ANGPT2: variants seen among roughly 807,000 people sequenced by gnomAD.
ANGPT2 encodes angiopoietin-2.
ANGPT2 carries 28 observed loss-of-function variants against 62.9 expected under a neutral mutation model. That is an observed-to-expected ratio of 0.44 (90% CI 0.33 to 0.61). The LOEUF is 0.61. ANGPT2 is among the 20% of genes least tolerant of loss of function. The pLI is 0.03. For synonymous variants in ANGPT2, 284 were observed against 207.8 expected, an observed-to-expected ratio of 1.37 and a Z score of -3.15; for missense variants, 727 against 594.9, an observed-to-expected ratio of 1.22 and a Z score of -2.31.
At chr8:6,523,243 C>T (rs1376827600) in intron 3 of ANGPT2, among the ~76,000 whole-genome samples, 7 of 152,224 alleles carry the variant, frequency 4.6e-5, no homozygotes, top group South Asian at 4.1e-4. Flanking sequence ...GTGATCCGCC[C>T]GCCCCTGCCT....
rs77786834 is a variant in ANGPT2 at position 6,516,957 on chromosome 8, G to A, written c.928-2179C>T. 8.1e-3 allele frequency among the ~76,000 whole-genome samples: 1,238 copies of A among 152,306 alleles called. 8 individuals carry two copies. The highest frequency in any genetic ancestry group is 0.015 in the Non-Finnish European group (1,006 of 68,020). On this transcript the variant is annotated intron_variant, in intron 5 of 8. Transcript: ENST00000629816. ...GAGTATTCGCTTTGATTCCATTAGT[G>A]ATGATGATAAGGTTATTAGAACATT...
At position 6,550,940 on chromosome 8, in the gene ANGPT2, C is replaced by T. The variant is rs907168511; in HGVS notation, c.288+11707G>A. 4.6e-5 allele frequency among the ~76,000 whole-genome samples: 7 copies of T among 152,008 alleles called. No individual in the cohort carries two copies. The East Asian group carries it at 1.4e-3, about 29-fold the overall frequency. On this transcript the variant is annotated intron_variant, in intron 1 of 8. Coordinates refer to ENST00000629816, the MANE Select transcript of ANGPT2 (RefSeq NM_001118887.2). ...AGGAGCCCAAGGGGAAGGAGTGCCT[C>T]TCTCTGTTTTGACCTTCTCTGACTG...
At chr8:6,544,001 T>C (rs1374156922) in intron 1 of ANGPT2, among the ~76,000 whole-genome samples, 1 of 152,338 alleles carries the variant, frequency 6.6e-6, no homozygotes, top group East Asian at 1.9e-4. Context: ...AACCTTGTTT[T>C]AGATCTGATC....
At chr8:6,503,469 T>G (rs1812611168) in intron 8 of ANGPT2, among the ~76,000 whole-genome samples, 2 of 152,202 alleles carry the variant, frequency 1.3e-5, no homozygotes, top group African/African-American at 4.8e-5. Flanking sequence ...CGGCAAATGC[T>G]TTTACAAGCC....
intron 7 of ANGPT2, among the ~76,000 whole-genome samples, chr8:6,512,386 C>G (rs368130298): frequency 6.6e-6 from 1 of 152,266 alleles, no homozygotes; most frequent in Non-Finnish European, 1.5e-5. Flanking sequence ...GAGTGTCTGA[C>G]TTGGGCATTA....
At chr8:6,549,198 A>C (rs1246704052) in intron 1 of ANGPT2, among the ~76,000 whole-genome samples, 1 of 152,256 alleles carries the variant, frequency 6.6e-6, no homozygotes, top group East Asian at 1.9e-4. Context: ...GTTGACTTCC[A>C]TAAAAGAACA....
chr8:6,510,687 C>A (rs1814882343), intron 7 of ANGPT2, among the ~76,000 whole-genome samples: 1 of 152,160 alleles, frequency 6.6e-6, no homozygotes, highest in African/African-American at 2.4e-5. Context: ...CCAGATGCAG[C>A]AAATGCCTCT....
At chr8:6,556,337 G>T (rs1315273405) in intron 1 of ANGPT2, among the ~76,000 whole-genome samples, 1 of 151,658 alleles carries the variant, frequency 6.6e-6, no homozygotes, top group Non-Finnish European at 1.5e-5. Context: ...TCCATTTTTT[G>T]CAGTATCTAT....
chr8:6,507,892 A>T (rs1344523279), intron 8 of ANGPT2: 1 of 152,150 alleles, frequency 6.6e-6, no homozygotes, highest in Non-Finnish European at 1.5e-5. Context: ...CAGAAAAATA[A>T]CATTTTCTAA....
intron 1 of ANGPT2, among the ~76,000 whole-genome samples, chr8:6,537,528 G>A (rs969020538): frequency 1.7e-4 from 25 of 147,406 alleles, no homozygotes; most frequent in African/African-American, 6.0e-4. Flanking sequence ...CAACCAGGAT[G>A]AAATATTTTA....
chr8:6,559,929 C>A (rs189098010), intron 1 of ANGPT2, among the ~76,000 whole-genome samples: 1 of 152,158 alleles, frequency 6.6e-6, no homozygotes, highest in Non-Finnish European at 1.5e-5. Context: ...ATTCATATTC[C>A]TCTGAGTTCA....
At chr8:6,503,695 G>A (rs1046287238) in intron 8 of ANGPT2, among the ~76,000 whole-genome samples, 7 of 152,152 alleles carry the variant, frequency 4.6e-5, no homozygotes, top group East Asian at 1.9e-4. Context: ...TGATTTTTTC[G>A]GTTGAAGTTT....
chr8:6,508,891 T>C, intron 8 of ANGPT2, 41 bp downstream of exon 8: 1 of 1,613,700 alleles, frequency 6.2e-7, no homozygotes, highest in Non-Finnish European at 8.5e-7. Flanking sequence ...ATGAAATCAT[T>C]CCTTGCCAAT....
intron 2 of ANGPT2, among the ~76,000 whole-genome samples, chr8:6,530,808 C>T (rs1161817247): frequency 2.0e-5 from 3 of 152,164 alleles, no homozygotes; most frequent in Admixed American, 2.0e-4. Flanking sequence ...CTGACCTCAT[C>T]CAACCATTTT....
intron 1 of ANGPT2, among the ~76,000 whole-genome samples, chr8:6,535,071 T>G (rs1005771174): frequency 6.6e-6 from 1 of 152,308 alleles, no homozygotes; most frequent in African/African-American, 2.4e-5. Context: ...GGAGTTTAGT[T>G]TAAGCCCATA....
At position 6,499,922 on chromosome 8, in the gene ANGPT2, C is replaced by T. The variant is rs1348640968; in HGVS notation, c.*3179G>A. Reference sequence around the variant, plus strand: ...TTCGAACTGTCTCACCACTTCCCTGCAGCTCCCGTAAGTCAGATGTTGTTT... The same window carrying T: ...TTCGAACTGTCTCACCACTTCCCTGTAGCTCCCGTAAGTCAGATGTTGTTT... On this transcript the variant is annotated 3_prime_UTR_variant, in exon 9 of 9. Coordinates refer to ENST00000629816, the MANE Select transcript of ANGPT2 (RefSeq NM_001118887.2). 6.2e-7 allele frequency: 1 copy of T among 1,613,382 alleles called. No homozygotes were observed. The highest frequency in any genetic ancestry group is 1.1e-5 in the South Asian group (1 of 91,056).
chr8:6,553,428 G>A lies in ANGPT2; in HGVS notation c.288+9219C>T, dbSNP rs1019899747. The stretch of plus-strand genomic sequence containing the variant: ...ATAGTTAAAAGTACACTAGCACACC[G>A]GGAGAATAACTTCAGAGGCTTGCTG... On this transcript the variant is annotated intron_variant, in intron 1 of 8. Transcript: ENST00000629816. Among the ~76,000 whole-genome samples, 8 of 152,152 alleles carry A rather than the reference G, an allele frequency of 5.3e-5. No individual in the cohort carries two copies. In the East Asian group the frequency reaches 5.8e-4, roughly 11 times the overall value.
At chr8:6,536,342 G>A (rs908353660) in intron 1 of ANGPT2, among the ~76,000 whole-genome samples, 2 of 152,108 alleles carry the variant, frequency 1.3e-5, no homozygotes, top group African/African-American at 4.8e-5. Context: ...GCTGAGCACT[G>A]GAATGACCCT....
intron 8 of ANGPT2, among the ~76,000 whole-genome samples, chr8:6,503,812 C>T (rs116051409): frequency 6.6e-6 from 1 of 152,130 alleles, no homozygotes; most frequent in Non-Finnish European, 1.5e-5. Flanking sequence ...TCAGCTAAAG[C>T]CAGGGCAGGA....
Sources: gnomAD v4.1 joint callset for allele counts (sites outside exome capture counted in the v4.1 genomes callset) on GRCh38, gnomAD v4.1.1 for gene constraint, MANE v1.5 for transcripts, NCBI Gene and HGNC (gene_info 2026-07-23, HGNC 2026-07-21) for gene names.